The following CHD4 variants were observed in gnomAD, a reference collection of about 807,000 sequenced individuals.
The protein encoded by CHD4 is ATP-dependent chromatin remodeler CHD4.
Under a neutral mutation model 235.5 loss-of-function variants are expected in CHD4, and 35 were observed. That is an observed-to-expected ratio of 0.15 (90% CI 0.11 to 0.20). The LOEUF (loss-of-function observed/expected upper bound fraction) is 0.20. CHD4 is among the 10% of genes least tolerant of loss of function. CHD4 has a pLI of 1.00. For synonymous variants in CHD4, 900 were observed against 850.2 expected (o/e 1.06, Z -1.02); for missense variants, 1,329 against 2,432.3 (o/e 0.55, Z 9.54).
chr12:6,600,405 G>A lies in CHD4; in HGVS notation c.1064-10C>T. 1.2e-6 allele frequency: 2 copies of A among 1,613,536 alleles called. No homozygotes were observed. Among genetic ancestry groups the A allele is most frequent in the East Asian group, 4.5e-5 (2 of 44,842 alleles). Reference sequence around the variant, plus strand: ...GTCACCTCCTCCTCGCCTGGGCAAGGAAGAGGGAAAGCCCAGTTATTGGAA... The same window carrying A: ...GTCACCTCCTCCTCGCCTGGGCAAGAAAGAGGGAAAGCCCAGTTATTGGAA... On this transcript the variant is annotated splice_polypyrimidine_tract_variant and intron_variant, in intron 8 of 39. Transcript: ENST00000544040.
rs1592271083 is a variant in CHD4, at chr12:6,588,507, G to A, written c.3341-85C>T. 2.7e-6 allele frequency: 4 copies of A among 1,484,688 alleles called. No individual in the cohort carries two copies. In the Admixed American group the frequency reaches 5.4e-5, roughly 20 times the overall value. The allele number at this position is 1,484,688 out of a possible 1,614,324, so 92.0% of individuals were successfully genotyped here. On this transcript the variant is annotated intron_variant, in intron 22 of 39. Transcript: ENST00000544040. ...AGTTTAAAAAATTAAGCCGGGGGCAGTGGCTCATGCCTGTAATCTCAGCAC... is the reference window on the plus strand; with the variant it reads ...AGTTTAAAAAATTAAGCCGGGGGCAATGGCTCATGCCTGTAATCTCAGCAC...
At chr12:6,588,177 A>G (rs1481091784) in intron 23 of CHD4, 121 bp downstream of exon 23, 2 of 1,350,376 alleles carry the variant, frequency 1.5e-6, no homozygotes, top group East Asian at 2.3e-5. Context: ...AAACAACACA[A>G]AAAGAATCTG....
chr12:6,576,771 A>G (rs1948078639), intron 37 of CHD4, among the ~76,000 whole-genome samples: 1 of 152,118 alleles, frequency 6.6e-6, no homozygotes, highest in Non-Finnish European at 1.5e-5. Context: ...AATGGCATTC[A>G]TTTGATTACA....
At chr12:6,586,800 C>G (rs935231118) in intron 25 of CHD4, 1 of 152,192 alleles carries the variant, frequency 6.6e-6, no homozygotes. Flanking sequence ...TGGGTTCAAG[C>G]AATTCTCCTG....
In CHD4 at chr12:6,601,515, G is replaced by A; in HGVS notation, c.573C>T (p.Ala191=). 2 of 1,614,176 alleles carry A rather than the reference G, an allele frequency of 1.2e-6. No individual in the cohort carries two copies. The highest frequency in any genetic ancestry group is 1.7e-6 in the Non-Finnish European group (2 of 1,180,038). ...TGGAGACAGCAATCTTGGGATTTTT[G>A]GCAGCAATGAGGGGTCTGGTGGAGA... The part of the protein sequence containing the change: ...FSQFVRPLIA[A]KNPKIAVSKM... The change falls in exon 6 of 40, where the codon GCC becomes GCT. Residue 191 remains alanine, a synonymous_variant. Coordinates refer to ENST00000544040, the MANE Select transcript of CHD4 (RefSeq NM_001273.5).
chr12:6,584,937 A>G (rs1183404558), intron 25 of CHD4, among the ~76,000 whole-genome samples: 14 of 152,212 alleles, frequency 9.2e-5, no homozygotes, highest in Admixed American at 9.2e-4. Flanking sequence ...ACACAGACCT[A>G]TGTCAGACCA....
In CHD4 at chr12:6,602,416, C is replaced by G; in HGVS notation, c.182G>C (p.Arg61Pro). 1 of 1,614,100 alleles carries G rather than the reference C, an allele frequency of 6.2e-7. No homozygotes were observed. Among genetic ancestry groups the G allele is most frequent in the Non-Finnish European group, 8.5e-7 (1 of 1,180,034 alleles). The change falls in exon 3 of 40, where the codon CGG (arginine) becomes CCG (proline). Residue 61 changes from arginine (R) to proline (P), a missense_variant. Physicochemically the swap from Arg to Pro is moderately radical, Grantham distance 103 (BLOSUM62 -2). Coordinates refer to ENST00000544040, the MANE Select transcript of CHD4 (RefSeq NM_001273.5). Reference sequence around the variant, plus strand: ...CTTGCTCTTAGGGATTTTAGGGTCCCGAGGTTTCTTAGGCTTTTTCTTCTT... The same window carrying G: ...CTTGCTCTTAGGGATTTTAGGGTCCGGAGGTTTCTTAGGCTTTTTCTTCTT... ...LKKKKKPKKP[R>P]DPKIPKSKRQ...
chr12:6,596,433 T>TGAGGCCAGGAGCTC (rs1400683494), intron 12 of CHD4, among the ~76,000 whole-genome samples: 1 of 150,234 alleles, frequency 6.7e-6, no homozygotes, highest in East Asian at 2.0e-4. Context: ...GCAGATCGCT[T>TGAGGCCAGGAGCTC]GAGGCCAGGA....
rs570628234 is a variant in CHD4 at position 6,605,981 on chromosome 12, G to A, written c.100+293C>T. On this transcript the variant is annotated intron_variant, in intron 2 of 39. Transcript: ENST00000544040. The stretch of plus-strand genomic sequence containing the variant: ...GTCCCAGCTACCTGCATTCCTCCGA[G>A]GACCCACATACCAGGTAATGCCTGC... Among the ~76,000 whole-genome samples, 7 of 152,190 alleles carry A rather than the reference G, an allele frequency of 4.6e-5. No individual in the cohort carries two copies. In the South Asian group the frequency reaches 1.5e-3, roughly 32 times the overall value.
chr12:6,597,232 C>T (rs922687529), intron 12 of CHD4, among the ~76,000 whole-genome samples: 1 of 148,334 alleles, frequency 6.7e-6, no homozygotes, highest in Non-Finnish European at 1.5e-5. Context: ...GCCAAGATCA[C>T]GCCACTGCAC....
chr12:6,595,267 TCATTA>T lies in CHD4; in HGVS notation c.2121+62_2121+66del. 4 of 1,323,858 alleles carry T rather than the reference TCATTA, an allele frequency of 3.0e-6. No homozygotes were observed. The South Asian group carries it at 4.8e-5, about 16-fold the overall frequency. The allele number at this position is 1,323,858 out of a possible 1,614,324, so 82.0% of individuals were successfully genotyped here. A position where few individuals can be genotyped will look rare whatever the true frequency, so the allele number is the denominator to read the frequency against. ...TGCATTTCATTACTTAAGAGTACCA[TCATTA>T]GACTGCAGCAAAGATACATTGTCCT... is the stretch of plus-strand genomic sequence containing the variant. On this transcript the variant is annotated intron_variant, in intron 14 of 39. Transcript: ENST00000544040.
chr12:6,606,310 C>T lies in CHD4; in HGVS notation c.64G>A (p.Ala22Thr), dbSNP rs773161450. 5 of 1,582,058 alleles carry T rather than the reference C, an allele frequency of 3.2e-6. No homozygotes were observed. In the South Asian group the frequency reaches 4.5e-5, roughly 14 times the overall value. ...SAGSEEEDMD[A>T]LLNNSLPPPH... is the part of the protein sequence containing the mutation. ...GGGGGCAGGCTGTTGTTCAAAAGTG[C>T]ATCCATATCCTCCTCCTCACTGCCC... The change falls in exon 2 of 40, where the codon GCA (alanine) becomes ACA (threonine). Residue 22 changes from alanine to threonine, a missense_variant. Ala to Thr is a moderately conservative substitution (Grantham distance 58). Coordinates refer to ENST00000544040, the MANE Select transcript of CHD4 (RefSeq NM_001273.5).
intron 2 of CHD4, among the ~76,000 whole-genome samples, chr12:6,605,175 G>T (rs913893568): frequency 6.6e-6 from 1 of 152,156 alleles, no homozygotes; most frequent in South Asian, 2.1e-4. Context: ...CTGAAGCTAA[G>T]AAGAGAGAAG....
Position 6,583,022 on chromosome 12 carries a change from C to T in CHD4, c.4147+5G>A. 2.5e-6 allele frequency: 4 copies of T among 1,582,962 alleles called. No homozygotes were observed. Among genetic ancestry groups the T allele is most frequent in the Non-Finnish European group, 3.4e-6 (4 of 1,165,592 alleles). On this transcript the variant is annotated splice_donor_5th_base_variant and intron_variant, in intron 27 of 39. Coordinates refer to ENST00000544040, the MANE Select transcript of CHD4 (RefSeq NM_001273.5). ...GAAAAGCAACAAAAAAAGCACAGCCCTCACCTTCTGAACGTTCATCAAAGT... is the reference window on the plus strand; with the variant it reads ...GAAAAGCAACAAAAAAAGCACAGCCTTCACCTTCTGAACGTTCATCAAAGT...
chr12:6,602,792 G>A (rs948834742), intron 2 of CHD4: 4 of 272,264 alleles, frequency 1.5e-5, no homozygotes, highest in African/African-American at 8.8e-5. Flanking sequence ...CACCAGTACA[G>A]CTGAACTGAG....
At position 6,582,121 on chromosome 12, in the gene CHD4, G is replaced by A. The variant is rs754269346; in HGVS notation, c.4515+16C>T. 38 of 1,532,884 alleles carry A rather than the reference G, an allele frequency of 2.5e-5. No individual in the cohort carries two copies. The highest frequency in any genetic ancestry group is 4.2e-5 in the Admixed American group (2 of 47,218). The allele number at this position is 1,532,884 out of a possible 1,614,324, so 95.0% of individuals were successfully genotyped here. A position where few individuals can be genotyped will look rare whatever the true frequency, so the allele number is the denominator to read the frequency against. On this transcript the variant is annotated intron_variant, in intron 30 of 39. Coordinates refer to ENST00000544040, the MANE Select transcript of CHD4 (RefSeq NM_001273.5). ...CCTGGCCCCCTAGAAACAATGGCAA[G>A]AGGCTCAGGGCTCACCTTCTTGCGA...
At chr12:6,577,693 A>G (rs2136196161) in intron 37 of CHD4, 92 bp downstream of exon 37, 2 of 1,516,814 alleles carry the variant, frequency 1.3e-6, no homozygotes, top group Non-Finnish European at 1.8e-6. Flanking sequence ...AAGTGAGAAC[A>G]GTGCGCTGGA....
intron 29 of CHD4, 129 bp downstream of exon 29, chr12:6,582,486 G>T: frequency 7.1e-7 from 1 of 1,405,630 alleles, no homozygotes; most frequent in Non-Finnish European, 9.6e-7. Flanking sequence ...ATTACTAACA[G>T]CTTCACCTGC....
At position 6,599,756 on chromosome 12, in the gene CHD4, T is replaced by G. The variant is rs1404378696; in HGVS notation, c.1482+17A>C. On this transcript the variant is annotated intron_variant, in intron 10 of 39. Coordinates refer to ENST00000544040, the MANE Select transcript of CHD4 (RefSeq NM_001273.5). ...ACACTTTCCCATTTTTTGCCCCGGC[T>G]GAGATCAGTCACTCACCGTACAACG... 11 of 1,613,648 alleles carry G rather than the reference T, an allele frequency of 6.8e-6. No homozygotes were observed. The African/African-American group carries it at 1.1e-4, about 16-fold the overall frequency.
Sources: allele counts gnomAD v4.1 joint callset (sites outside exome capture counted in the v4.1 genomes callset), GRCh38; gene constraint gnomAD v4.1.1; transcripts MANE v1.5; gene names NCBI Gene and HGNC (gene_info 2026-07-23, HGNC 2026-07-21).